CREB5: variants seen among roughly 807,000 people sequenced by gnomAD.
CREB5 encodes cAMP responsive element binding protein 5.
CREB5 carries 19 observed loss-of-function variants against 57.1 expected under a neutral mutation model. That is an observed-to-expected ratio of 0.33 (90% confidence interval 0.23 to 0.49). CREB5 has a LOEUF of 0.49. Ranked by LOEUF, CREB5 falls within the 20% of genes least tolerant of loss-of-function variation. CREB5 has a pLI of 0.99. For synonymous variants in CREB5, 238 were observed against 238.3 expected (o/e 1.00, Z 0.01); for missense variants, 579 against 671.6 (o/e 0.86, Z 1.52).
chr7:28,811,729 T>TAGA (rs1809132725), intron 9 of CREB5, among the ~76,000 whole-genome samples: 1 of 148,296 alleles, frequency 6.7e-6, no homozygotes, highest in Non-Finnish European at 1.5e-5. Context: ...AAAATATAAT[T>TAGA]AGAAGATCAA....
intron 7 of CREB5, among the ~76,000 whole-genome samples, chr7:28,771,727 T>TA (rs1806334435): frequency 6.9e-6 from 1 of 144,540 alleles, no homozygotes; most frequent in Non-Finnish European, 1.5e-5. Context: ...TGGCACTTCA[T>TA]AATGTTTAAA....
At chr7:28,796,131 G>A (rs529703456) in intron 7 of CREB5, among the ~76,000 whole-genome samples, 1 of 152,034 alleles carries the variant, frequency 6.6e-6, no homozygotes. Flanking sequence ...TCTTTGTCTA[G>A]TTCCATAATA....
intron 1 of CREB5, among the ~76,000 whole-genome samples, chr7:28,464,667 T>C (rs2128578055): frequency 6.6e-6 from 1 of 151,662 alleles, no homozygotes; most frequent in South Asian, 2.1e-4. Context: ...TTGTTCACAA[T>C]ACAGTTGTTC....
intron 1 of CREB5, among the ~76,000 whole-genome samples, chr7:28,385,393 G>C (rs1236658578): frequency 6.6e-6 from 1 of 152,142 alleles, no homozygotes; most frequent in Non-Finnish European, 1.5e-5. Context: ...GTATGTATAT[G>C]AGGCCAGGCG....
At chr7:28,799,834 A>G (rs139515638) in intron 7 of CREB5, among the ~76,000 whole-genome samples, 2 of 152,354 alleles carry the variant, frequency 1.3e-5, no homozygotes, top group South Asian at 4.1e-4. Flanking sequence ...ATCTGCCTAC[A>G]TGACTTCTGT....
chr7:28,459,067 A>G (rs1790236500), intron 1 of CREB5, among the ~76,000 whole-genome samples: 1 of 152,180 alleles, frequency 6.6e-6, no homozygotes, highest in South Asian at 2.1e-4. Context: ...TGTAGCCGTC[A>G]GAGCCTCCAT....
At chr7:28,516,011 TA>T (rs1329035402) in intron 4 of CREB5, among the ~76,000 whole-genome samples, 4 of 151,952 alleles carry the variant, frequency 2.6e-5, no homozygotes, top group Admixed American at 6.6e-5. Flanking sequence ...AGTTTAAGAT[TA>T]GCCTTGGCAA....
chr7:28,685,995 C>G (rs1014157707), intron 5 of CREB5: 3 of 705,404 alleles, frequency 4.3e-6, no homozygotes, highest in Non-Finnish European at 7.1e-6. Context: ...AGCAAGTGAG[C>G]GAGAGCCCAG....
chr7:28,563,038 C>T (rs1795339867), intron 4 of CREB5, among the ~76,000 whole-genome samples: 1 of 152,196 alleles, frequency 6.6e-6, no homozygotes, highest in South Asian at 2.1e-4. Context: ...GAACAAGTCA[C>T]TTAACCTCTC....
chr7:28,711,492 G>A (rs189915191), intron 5 of CREB5, among the ~76,000 whole-genome samples: 28 of 152,266 alleles, frequency 1.8e-4, no homozygotes, highest in Middle Eastern at 3.4e-3. Context: ...GATTTGGTTC[G>A]GAACATGAGC....
intron 7 of CREB5, among the ~76,000 whole-genome samples, chr7:28,760,803 A>C (rs557722330): frequency 5.3e-5 from 8 of 152,354 alleles, no homozygotes; most frequent in African/African-American, 1.4e-4. Context: ...GTGAGCCTAC[A>C]GTTATTTTCT....
chr7:28,475,277 T>C, intron 1 of CREB5, among the ~76,000 whole-genome samples: 1 of 42,952 alleles, frequency 2.3e-5, no homozygotes, highest in East Asian at 3.2e-4. Flanking sequence ...TTTTTTTTTT[T>C]TTTTTTTTTT....
chr7:28,346,020 G>C (rs1019767231), intron 1 of CREB5, among the ~76,000 whole-genome samples: 3 of 152,272 alleles, frequency 2.0e-5, no homozygotes, highest in South Asian at 2.1e-4. Flanking sequence ...TTATCCGAAG[G>C]GGGGCACCGT....
At chr7:28,426,318 G>C (rs577560837) in intron 1 of CREB5, among the ~76,000 whole-genome samples, 2 of 152,212 alleles carry the variant, frequency 1.3e-5, no homozygotes, top group South Asian at 2.1e-4. Context: ...TCCCAGTTTT[G>C]TCTGGTCGCT....
intron 5 of CREB5, among the ~76,000 whole-genome samples, chr7:28,585,824 G>T (rs1343675784): frequency 1.3e-5 from 2 of 152,164 alleles, no homozygotes; most frequent in Admixed American, 1.3e-4. Flanking sequence ...CTCTCATTGA[G>T]TCAGGATGGG....
At chr7:28,686,975 T>C (rs1007184361) in intron 5 of CREB5, among the ~76,000 whole-genome samples, 1 of 148,496 alleles carries the variant, frequency 6.7e-6, no homozygotes, top group Admixed American at 6.8e-5. Flanking sequence ...GTGTGGTGGT[T>C]GGTTGGGGGG....
rs1218260685 is a variant in CREB5 at position 28,560,999 on chromosome 7, C to CGTGTGT, written c.292-9361_292-9360insTGTGTG. ...GTGTGTGCGTGCGTGTGTGTGCCTGCGTGTGCGTGTGTGTGTGCGTGTGTG... is the reference window on the plus strand; with the variant it reads ...GTGTGTGCGTGCGTGTGTGTGCCTGCGTGTGTGTGTGCGTGTGTGTGTGCGTGTGTG... On this transcript the variant is annotated intron_variant, in intron 4 of 10. Coordinates refer to ENST00000357727, the MANE Select transcript of CREB5 (RefSeq NM_182898.4). 3.9e-3 allele frequency among the ~76,000 whole-genome samples: 132 copies of CGTGTGT among 34,128 alleles called. 26 individuals carry two copies. Among genetic ancestry groups the CGTGTGT allele is most frequent in the African/African-American group, 0.014 (128 of 8,990 alleles). The allele number at this position is 34,128 out of a possible 152,430, so 22.4% of individuals were successfully genotyped here.
chr7:28,554,823 T>C, intron 4 of CREB5, among the ~76,000 whole-genome samples: 1 of 152,212 alleles, frequency 6.6e-6, no homozygotes, highest in East Asian at 1.9e-4. Context: ...ATGCTCTATA[T>C]GTGAATCTAG....
At chr7:28,636,781 G>A (rs531364579) in intron 5 of CREB5, among the ~76,000 whole-genome samples, 2 of 152,190 alleles carry the variant, frequency 1.3e-5, no homozygotes, top group African/African-American at 4.8e-5. Context: ...TTAGTTTAGG[G>A]CCTCATCACC....
Sources: allele counts gnomAD v4.1 joint callset (sites outside exome capture counted in the v4.1 genomes callset), GRCh38; gene constraint gnomAD v4.1.1; transcripts MANE v1.5; gene names NCBI Gene and HGNC (gene_info 2026-07-23, HGNC 2026-07-21).